Variants in MALRD1 observed in about 807,000 individuals in gnomAD.
MALRD1 encodes MAM and LDL receptor class A domain containing 1, also known as MAM and LDL-receptor class A domain-containing protein 1.
A neutral mutation model predicts 242.1 loss-of-function variants in MALRD1; 247 were observed. That is an observed-to-expected ratio of 1.02 (90% CI 0.92 to 1.13). The LOEUF is 1.13. MALRD1 is among the 50% of genes most tolerant of loss of function. The pLI, the probability that MALRD1 is intolerant of heterozygous loss-of-function variation, is 0.00. For synonymous variants in MALRD1, 995 were observed against 866.6 expected (o/e 1.15, Z -2.60); for missense variants, 2,989 against 2,533.1 (o/e 1.18, Z -3.86).
chr10:19,242,315 T>C (rs1230612640), intron 18 of MALRD1, among the ~76,000 whole-genome samples: 2 of 152,140 alleles, frequency 1.3e-5, no homozygotes, highest in Non-Finnish European at 2.9e-5. Flanking sequence ...GATTCAATTA[T>C]CTCCCACTGG....
At chr10:19,177,818 G>C (rs1588658489) in intron 14 of MALRD1, among the ~76,000 whole-genome samples, 1 of 152,142 alleles carries the variant, frequency 6.6e-6, no homozygotes, top group Non-Finnish European at 1.5e-5. Flanking sequence ...TCTGTGTTCA[G>C]AGTCTCCTTG....
intron 36 of MALRD1, among the ~76,000 whole-genome samples, chr10:19,618,632 T>C (rs1047603371): frequency 6.6e-6 from 1 of 152,080 alleles, no homozygotes; most frequent in African/African-American, 2.4e-5. Flanking sequence ...GTGTGTCTTC[T>C]TTCAAAAAAT....
At chr10:19,193,638 TG>T (rs1836093152) in intron 14 of MALRD1, among the ~76,000 whole-genome samples, 2 of 152,202 alleles carry the variant, frequency 1.3e-5, no homozygotes, top group Non-Finnish European at 1.5e-5. Context: ...TGATTTGGGT[TG>T]TAAAAATGAG....
intron 27 of MALRD1, 32 bp downstream of exon 27, chr10:19,387,805 C>G (rs1846150695): frequency 2.0e-6 from 3 of 1,532,662 alleles, no homozygotes; most frequent in Non-Finnish European, 2.6e-6. Flanking sequence ...ATTGCTTTCA[C>G]ATGATTTTCA....
intron 21 of MALRD1, among the ~76,000 whole-genome samples, chr10:19,305,558 T>C (rs1842126827): frequency 6.6e-6 from 1 of 151,220 alleles, no homozygotes; most frequent in African/African-American, 2.4e-5. Flanking sequence ...AAAGATCTTA[T>C]ATTCTATGGG....
chr10:19,360,262 T>C (rs1844832501), intron 26 of MALRD1, among the ~76,000 whole-genome samples: 2 of 152,064 alleles, frequency 1.3e-5, no homozygotes, highest in Admixed American at 1.3e-4. Context: ...ACTTCATATC[T>C]CTGAATGGCC....
intron 29 of MALRD1, among the ~76,000 whole-genome samples, chr10:19,467,128 G>C (rs537833275): frequency 3.3e-5 from 5 of 152,156 alleles, no homozygotes; most frequent in Non-Finnish European, 7.4e-5. Context: ...GCTGAGGCAG[G>C]TGAATCATGA....
At chr10:19,266,665 ATAAC>A (rs2131834817) in intron 19 of MALRD1, among the ~76,000 whole-genome samples, 1 of 152,116 alleles carries the variant, frequency 6.6e-6, no homozygotes, top group South Asian at 2.1e-4. Flanking sequence ...GTTATTAAAA[ATAAC>A]TATAGCATCA....
rs1218666316 is a variant in MALRD1, at chr10:19,363,342, G to A, written c.4441+11045G>A. 3.0e-4 allele frequency among the ~76,000 whole-genome samples: 46 copies of A among 151,912 alleles called. 2 individuals carry two copies. Among genetic ancestry groups the A allele is most frequent in the Admixed American group, 3.0e-3 (45 of 15,214 alleles). On this transcript the variant is annotated intron_variant, in intron 26 of 39. Coordinates refer to ENST00000454679, the MANE Select transcript of MALRD1 (RefSeq NM_001142308.3). ...TAAAGAAAAGGTAACAAAGAAAACA[G>A]ACATAGAGAGACCAGAGTGAAAGGA...
chr10:19,561,472 C>T (rs549595994), intron 32 of MALRD1, among the ~76,000 whole-genome samples: 17 of 152,144 alleles, frequency 1.1e-4, no homozygotes, highest in African/African-American at 4.1e-4. Context: ...CAAGTATTTC[C>T]CTTTGCAATT....
intron 30 of MALRD1, among the ~76,000 whole-genome samples, chr10:19,494,627 C>T (rs1400551729): frequency 6.6e-6 from 1 of 151,944 alleles, no homozygotes; most frequent in African/African-American, 2.4e-5. Context: ...AAGAATTTTA[C>T]AATGTAATAG....
At position 19,175,311 on chromosome 10, in the gene MALRD1, C is replaced by T; in HGVS notation, c.1934C>T (p.Thr645Ile). ...ATTTCCTATAAATCACTACCAAGGACCAGTACACAAAGCAAGTGTAAGTTT... is the reference window on the plus strand; with the variant it reads ...ATTTCCTATAAATCACTACCAAGGATCAGTACACAAAGCAAGTGTAAGTTT... ...CEISYKSLPR[T>I]STQSKFSKCD... Residue 645 changes from threonine to isoleucine, a missense_variant, in exon 14 of 40, where the codon ACC (threonine) becomes ATC (isoleucine). By Grantham distance (89) the Thr-to-Ile change is moderately conservative (BLOSUM62 -1). Coordinates refer to ENST00000454679, the MANE Select transcript of MALRD1 (RefSeq NM_001142308.3). The T allele has an allele frequency of 8.1e-7, 1 of 1,230,452 alleles. No homozygotes were observed. Among genetic ancestry groups the T allele is most frequent in the Non-Finnish European group, 1.0e-6 (1 of 987,232 alleles). 76.2% of individuals were successfully genotyped at this position (1,230,452 alleles called of 1,614,324 possible).
intron 14 of MALRD1, among the ~76,000 whole-genome samples, chr10:19,193,755 A>C (rs1302166461): frequency 6.6e-6 from 1 of 152,070 alleles, no homozygotes; most frequent in East Asian, 1.9e-4. Context: ...AGCTTAAAAT[A>C]TTCATATTTT....
chr10:19,310,073 C>G (rs1306006144), intron 21 of MALRD1, among the ~76,000 whole-genome samples: 8 of 151,428 alleles, frequency 5.3e-5, no homozygotes, highest in Non-Finnish European at 1.2e-4. Context: ...TTTCCAATCT[C>G]TTGTCAGTGT....
rs145491170 is a variant in MALRD1 at position 19,380,791 on chromosome 10, G to A, written c.4442-6737G>A. Among the ~76,000 whole-genome samples, 637 of 152,042 alleles carry A rather than the reference G, an allele frequency of 4.2e-3. 4 individuals are homozygous for A. Among genetic ancestry groups the A allele is most frequent in the African/African-American group, 0.015 (606 of 41,486 alleles). On this transcript the variant is annotated intron_variant, in intron 26 of 39. Coordinates refer to ENST00000454679, the MANE Select transcript of MALRD1 (RefSeq NM_001142308.3). Reference sequence around the variant, plus strand: ...AAAATTTGGCATTATTGTTGTCATCGTTTTTAATATTTACCGTCAAGTGTA... The same window carrying A: ...AAAATTTGGCATTATTGTTGTCATCATTTTTAATATTTACCGTCAAGTGTA...
At chr10:19,517,552 A>C (rs1833689634) in intron 31 of MALRD1, among the ~76,000 whole-genome samples, 1 of 152,182 alleles carries the variant, frequency 6.6e-6, no homozygotes, top group Admixed American at 6.5e-5. Flanking sequence ...TTCTGTAGAA[A>C]AACACAGATT....
intron 28 of MALRD1, among the ~76,000 whole-genome samples, chr10:19,425,240 G>C (rs1221624666): frequency 6.6e-6 from 1 of 152,006 alleles, no homozygotes; most frequent in Non-Finnish European, 1.5e-5. Context: ...TTCCTTATTA[G>C]CCTTAATAAT....
intron 26 of MALRD1, among the ~76,000 whole-genome samples, chr10:19,368,871 ATGTGTG>A (rs35474463): frequency 1.1e-4 from 15 of 141,804 alleles, no homozygotes; most frequent in Admixed American, 9.3e-4. Context: ...TGATTTGTGT[ATGTGTG>A]TGTGTGTGTG....
At chr10:19,535,186 A>C (rs899500457) in intron 32 of MALRD1, among the ~76,000 whole-genome samples, 11 of 152,048 alleles carry the variant, frequency 7.2e-5, no homozygotes, top group African/African-American at 2.7e-4. Context: ...GCCCGACCAA[A>C]GTTTTTTTTT....
Sources: gnomAD v4.1 joint callset for allele counts (sites outside exome capture counted in the v4.1 genomes callset) on GRCh38, gnomAD v4.1.1 for gene constraint, MANE v1.5 for transcripts, NCBI Gene and HGNC (gene_info 2026-07-23, HGNC 2026-07-21) for gene names.